The following HAPSTR1 variants were observed in gnomAD, a reference collection of about 807,000 sequenced individuals.
The protein encoded by HAPSTR1 is HUWE1-associated protein modifying stress responses 1.
chr16:9,100,551 T>TGA, the HAPSTR1 span, among the ~76,000 whole-genome samples: 2 of 152,156 alleles, frequency 1.3e-5, no homozygotes, highest in African/African-American at 4.8e-5. Context: ...CTTTTTTTTT[T>TGA]GAGAGAGAGT....
the HAPSTR1 span, chr16:9,107,730 C>T: frequency 6.6e-6 from 1 of 152,344 alleles, no homozygotes; most frequent in South Asian, 2.1e-4. Flanking sequence ...GTTCATACCT[C>T]ACTTCTGTGA....
the HAPSTR1 span, chr16:9,118,140 C>T: frequency 1.3e-5 from 2 of 152,554 alleles, no homozygotes; most frequent in Non-Finnish European, 2.9e-5. Flanking sequence ...TTTTTAATAT[C>T]CTGAACTGAA....
the HAPSTR1 span, chr16:9,109,752 G>C: frequency 6.6e-6 from 1 of 152,164 alleles, no homozygotes; most frequent in East Asian, 1.9e-4. Context: ...AGGCAGTCTA[G>C]CCTTTAATGT....
chr16:9,097,932 G>A, the HAPSTR1 span, among the ~76,000 whole-genome samples: 1 of 152,216 alleles, frequency 6.6e-6, no homozygotes, highest in South Asian at 2.1e-4. Context: ...TGTGGAGGGA[G>A]CTTCTCTCGA....
At chr16:9,117,842 C>T in the HAPSTR1 span, 4 of 152,580 alleles carry the variant, frequency 2.6e-5, no homozygotes, top group East Asian at 1.9e-4. Flanking sequence ...TTCATGGAGT[C>T]CCTGCTTAGT....
the HAPSTR1 span, chr16:9,106,775 T>A: frequency 6.6e-6 from 1 of 152,144 alleles, no homozygotes; most frequent in African/African-American, 2.4e-5. Flanking sequence ...TTGATTTCTG[T>A]CTTGCTTTGT....
chr16:9,120,756 C>T, the HAPSTR1 span: 1 of 147,034 alleles, frequency 6.8e-6, no homozygotes, highest in East Asian at 2.0e-4. Context: ...TGGCTCACCA[C>T]AACCTCTGCC....
the HAPSTR1 span, among the ~76,000 whole-genome samples, chr16:9,097,240 C>CTTTTT: frequency 2.1e-5 from 3 of 140,798 alleles, no homozygotes; most frequent in African/African-American, 2.7e-5. Flanking sequence ...GCGCCTGGCT[C>CTTTTT]TTTTTTTTTT....
the HAPSTR1 span, chr16:9,091,930 C>A: frequency 1.2e-6 from 1 of 865,884 alleles, no homozygotes; most frequent in Non-Finnish European, 1.6e-6. Context: ...AAGGAGAAGG[C>A]GCCGTCGGTC....
At chr16:9,113,472 G>C in the HAPSTR1 span, among the ~76,000 whole-genome samples, 5 of 152,086 alleles carry the variant, frequency 3.3e-5, no homozygotes, top group African/African-American at 1.2e-4. Context: ...GAAATCCCTA[G>C]TCCACTTCTG....
the HAPSTR1 span, among the ~76,000 whole-genome samples, chr16:9,098,944 A>G: frequency 6.6e-6 from 1 of 152,172 alleles, no homozygotes; most frequent in South Asian, 2.1e-4. Context: ...ATTCACATGA[A>G]TCAATGTGTA....
At chr16:9,102,010 A>G in the HAPSTR1 span, among the ~76,000 whole-genome samples, 1 of 152,132 alleles carries the variant, frequency 6.6e-6, no homozygotes, top group Middle Eastern at 3.2e-3. Context: ...AATCCCAGCT[A>G]CTCAGGAGGC....
chr16:9,103,922 C>T, the HAPSTR1 span: 1 of 152,238 alleles, frequency 6.6e-6, no homozygotes, highest in Admixed American at 6.5e-5. Flanking sequence ...AGTGATAAGT[C>T]TGTTGTTGCT....
chr16:9,101,571 T>C, the HAPSTR1 span, among the ~76,000 whole-genome samples: 4 of 152,332 alleles, frequency 2.6e-5, no homozygotes, highest in East Asian at 5.8e-4. Context: ...ATTATTTTTT[T>C]AAGAGAAAAG....
chr16:9,104,749 T>G, the HAPSTR1 span: 2 of 152,182 alleles, frequency 1.3e-5, no homozygotes, highest in Non-Finnish European at 2.9e-5. Flanking sequence ...CAGGCAAAAA[T>G]GGGATTGATC....
chr16:9,102,184 C>T, the HAPSTR1 span, among the ~76,000 whole-genome samples: 1 of 152,118 alleles, frequency 6.6e-6, no homozygotes, highest in African/African-American at 2.4e-5. Context: ...GTTGCTTTTA[C>T]GGAAAGTTCA....
the HAPSTR1 span, among the ~76,000 whole-genome samples, chr16:9,116,062 A>G: frequency 6.6e-6 from 1 of 152,224 alleles, no homozygotes; most frequent in African/African-American, 2.4e-5. Context: ...AGGTGATCAC[A>G]TAGCCTGATT....
chr16:9,110,483 T>C, the HAPSTR1 span: 1 of 152,322 alleles, frequency 6.6e-6, no homozygotes, highest in Non-Finnish European at 1.5e-5. Context: ...TTTGTACCTT[T>C]CGTTTGTCAA....
At chr16:9,120,671 A>G in the HAPSTR1 span, 1 of 138,184 alleles carries the variant, frequency 7.2e-6, no homozygotes, top group African/African-American at 2.8e-5. Context: ...ATATGGTGAA[A>G]TCTTTTTTTT....
Sources: allele counts gnomAD v4.1 joint callset (sites outside exome capture counted in the v4.1 genomes callset), GRCh38; gene constraint gnomAD v4.1.1; transcripts MANE v1.5; gene names NCBI Gene and HGNC (gene_info 2026-07-23, HGNC 2026-07-21).